Variants in TTC39C observed in about 807,000 individuals in gnomAD.
The protein encoded by TTC39C is tetratricopeptide repeat protein 39C.
In TTC39C, 33 loss-of-function variants were observed where a neutral mutation model predicts 76.3. The observed-to-expected ratio is 0.43, with a 90% CI of 0.33 to 0.58. The LOEUF (loss-of-function observed/expected upper bound fraction) is 0.58. TTC39C is among the 20% of genes least tolerant of loss of function. The pLI is 0.04. For synonymous variants in TTC39C, 254 were observed against 260.6 expected, an observed-to-expected ratio of 0.97 and a Z score of 0.24; for missense variants, 595 against 701.4, an observed-to-expected ratio of 0.85 and a Z score of 1.71.
intron 2 of TTC39C, among the ~76,000 whole-genome samples, chr18:24,064,902 TA>T (rs2084146850): frequency 6.6e-6 from 1 of 152,248 alleles, no homozygotes; most frequent in South Asian, 2.1e-4. Context: ...GAGAAGTTTT[TA>T]TTCAAGGTAT....
chr18:24,061,226 CTTT>C (rs1220887860), intron 1 of TTC39C, among the ~76,000 whole-genome samples: 6 of 139,400 alleles, frequency 4.3e-5, no homozygotes, highest in East Asian at 2.2e-4. Context: ...ATTTAGTCTT[CTTT>C]TTTTTTTTTT....
intron 1 of TTC39C, chr18:24,001,502 G>A (rs2083310279): frequency 6.6e-6 from 1 of 152,140 alleles, no homozygotes; most frequent in South Asian, 2.1e-4. Flanking sequence ...CTTCCCCCTT[G>A]AGTCTTTGCT....
chr18:24,082,823 G>C, intron 5 of TTC39C, 90 bp from the exon 6 acceptor site: 1 of 1,330,724 alleles, frequency 7.5e-7, no homozygotes, highest in Non-Finnish European at 1.0e-6. Context: ...GGATAGAGTA[G>C]TATTGGAAGA....
intron 1 of TTC39C, among the ~76,000 whole-genome samples, chr18:24,047,580 T>A (rs2083900976): frequency 6.6e-6 from 1 of 152,164 alleles, no homozygotes; most frequent in Non-Finnish European, 1.5e-5. Flanking sequence ...TCTTTTTTCC[T>A]CCTTCCTTCC....
intron 9 of TTC39C, 70 bp downstream of exon 9, chr18:24,124,013 G>A (rs575387383): frequency 2.6e-6 from 3 of 1,167,302 alleles, no homozygotes; most frequent in Admixed American, 2.4e-5. Flanking sequence ...GCCTTGGCAA[G>A]CTTTAGGAAA....
At chr18:24,048,344 T>A (rs1377010401) in intron 1 of TTC39C, among the ~76,000 whole-genome samples, 1 of 152,220 alleles carries the variant, frequency 6.6e-6, no homozygotes. Context: ...CATAAGCAGT[T>A]AAGGACTCGT....
chr18:24,011,355 A>C (rs1241653946), upstream of TTC39C, among the ~76,000 whole-genome samples: 1 of 152,212 alleles, frequency 6.6e-6, no homozygotes, highest in Non-Finnish European at 1.5e-5. Context: ...GATTTCAGTT[A>C]AGCTGTTAGA....
At chr18:23,999,750 A>T (rs1210469121) in intron 1 of TTC39C, among the ~76,000 whole-genome samples, 1 of 152,202 alleles carries the variant, frequency 6.6e-6, no homozygotes, top group Non-Finnish European at 1.5e-5. Flanking sequence ...GAGACTGGGA[A>T]GCTGGAGCTC....
intron 10 of TTC39C, among the ~76,000 whole-genome samples, chr18:24,128,043 T>A (rs1467882585): frequency 7.1e-6 from 1 of 141,188 alleles, no homozygotes; most frequent in East Asian, 2.0e-4. Context: ...CTCCCTGCTC[T>A]CAGACACACC....
In TTC39C at chr18:24,024,705, A is replaced by C. The variant is rs560918347; in HGVS notation, c.167+9667A>C. Among the ~76,000 whole-genome samples, 15 of 152,324 alleles carry C rather than the reference A, an allele frequency of 9.8e-5. No homozygotes were observed. The South Asian group carries it at 3.1e-3, about 32-fold the overall frequency. On this transcript the variant is annotated intron_variant, in intron 1 of 13. Transcript: ENST00000317571. Reference sequence around the variant, plus strand: ...ATCTCCCATCGTTAAATCCCTCTGCACACCAACAACTTTAGAGACCATTGC... The same window carrying C: ...ATCTCCCATCGTTAAATCCCTCTGCCCACCAACAACTTTAGAGACCATTGC...
At chr18:24,071,736 T>C (rs1366162993) in intron 4 of TTC39C, among the ~76,000 whole-genome samples, 4 of 152,238 alleles carry the variant, frequency 2.6e-5, no homozygotes, top group Non-Finnish European at 5.9e-5. Context: ...ATTAGTGAGA[T>C]TGAATATGCT....
At position 24,130,391 on chromosome 18, in the gene TTC39C, G is replaced by C. The variant is rs767166254; in HGVS notation, c.1597G>C (p.Gly533Arg). ...TCAGCCGTATGCCTGTTATGAACTT[G>C]GCTGTCTTCTATTAGACAAACCAGA... ...YVQPYACYELGCLLLDKPETV... is the reference protein window; with the variant it reads ...YVQPYACYELRCLLLDKPETV... Residue 533 changes from glycine to arginine, a missense_variant, in exon 12 of 14, where the codon GGC becomes CGC. Transcript: ENST00000317571. 8 of 1,574,268 alleles carry C rather than the reference G, an allele frequency of 5.1e-6. No individual in the cohort carries two copies. The highest frequency in any genetic ancestry group is 6.9e-6 in the Non-Finnish European group (8 of 1,159,450).
chr18:24,024,002 A>ATTTTTTTTTTTTTT, intron 1 of TTC39C, among the ~76,000 whole-genome samples: 1 of 4,242 alleles, frequency 2.4e-4, no homozygotes, highest in East Asian at 0.011. Context: ...ATATATATAT[A>ATTTTTTTTTTTTTT]TATATATATA....
In TTC39C at chr18:23,998,818, T is replaced by A. The variant is rs1371377311; in HGVS notation, c.-17+5780T>A. On this transcript the variant is annotated intron_variant, in intron 1 of 13. Transcript: ENST00000304621. ...ACTGTAAGCATGAAGCTGGTGGAGC[T>A]CTCTGGAGCACTCAAGTGGTAAACT... Among the ~76,000 whole-genome samples, 14 of 15,008 alleles carry A rather than the reference T, an allele frequency of 9.3e-4. 1 individual carries two copies. The Admixed American group carries it at 0.011, about 12-fold the overall frequency. The allele number at this position is 15,008 out of a possible 152,430, so 9.8% of individuals were successfully genotyped here.
rs375782539 is a variant in TTC39C, at chr18:24,062,082, G to A, written c.168-2058G>A. ...CAAGGAGGGAAAATGGTTTCCTTGC[G>A]TTGTTGCTATGGTTTCTTTTCCCCC... is the stretch of plus-strand genomic sequence containing the variant. On this transcript the variant is annotated intron_variant, in intron 1 of 13. Transcript: ENST00000317571. 2.1e-3 allele frequency among the ~76,000 whole-genome samples: 327 copies of A among 152,308 alleles called. 5 individuals are homozygous for A. Among genetic ancestry groups the A allele is most frequent in the African/African-American group, 7.2e-3 (299 of 41,554 alleles).
At chr18:24,006,009 CA>C (rs2083349042) in intron 1 of TTC39C, among the ~76,000 whole-genome samples, 1 of 101,512 alleles carries the variant, frequency 9.9e-6, no homozygotes, top group Admixed American at 1.1e-4. Flanking sequence ...GCTTATCCTA[CA>C]GAATATTTTT....
intron 10 of TTC39C, among the ~76,000 whole-genome samples, chr18:24,128,322 A>T (rs1195358360): frequency 6.6e-6 from 1 of 151,924 alleles, no homozygotes; most frequent in Non-Finnish European, 1.5e-5. Flanking sequence ...CTGCTTCTAC[A>T]AGATCAGCTT....
At chr18:24,062,266 G>A (rs1252489231) in intron 1 of TTC39C, among the ~76,000 whole-genome samples, 1 of 152,142 alleles carries the variant, frequency 6.6e-6, no homozygotes, top group African/African-American at 2.4e-5. Context: ...TTTTCAAATG[G>A]CAAAGTGGCT....
intron 9 of TTC39C, among the ~76,000 whole-genome samples, chr18:24,124,600 T>C (rs1481037236): frequency 6.6e-6 from 1 of 152,236 alleles, no homozygotes; most frequent in East Asian, 1.9e-4. Context: ...AGTTATGTAG[T>C]GTCTTATATC....
Sources: allele counts gnomAD v4.1 joint callset (sites outside exome capture counted in the v4.1 genomes callset), GRCh38; gene constraint gnomAD v4.1.1; transcripts MANE v1.5; gene names NCBI Gene and HGNC (gene_info 2026-07-23, HGNC 2026-07-21).